Variants in PRKG2 observed in about 807,000 individuals in gnomAD.
The protein encoded by PRKG2 is cGMP-dependent protein kinase 2.
PRKG2 carries 33 observed loss-of-function variants against 97.2 expected under a neutral mutation model. That is an observed-to-expected ratio of 0.34 (90% CI 0.26 to 0.45). The LOEUF (loss-of-function observed/expected upper bound fraction) is 0.45, where lower values mean the gene tolerates loss of function less well. Ranked by LOEUF, PRKG2 falls within the 20% of genes least tolerant of loss-of-function variation. PRKG2 has a pLI of 1.00. For synonymous variants in PRKG2, 330 were observed against 321.8 expected, an observed-to-expected ratio of 1.03 and a Z score of -0.27; for missense variants, 638 against 900.0, an observed-to-expected ratio of 0.71 and a Z score of 3.73.
At position 81,135,149 on chromosome 4, in the gene PRKG2, T is replaced by C. The variant is rs1420770213; in HGVS notation, c.1776+6A>G. The C allele has an allele frequency of 6.3e-7, 1 of 1,599,286 alleles. No individual in the cohort carries two copies. Among genetic ancestry groups the C allele is most frequent in the East Asian group, 2.3e-5 (1 of 44,398 alleles). Reference sequence around the variant, plus strand: ...ATGAGACTGTAAGTGAGAAAAGTTGTCTTACCAATTTAAGGTAACCCTCAG... The same window carrying C: ...ATGAGACTGTAAGTGAGAAAAGTTGCCTTACCAATTTAAGGTAACCCTCAG... On this transcript the variant is annotated splice_donor_region_variant and intron_variant, in intron 14 of 18. Coordinates refer to ENST00000264399, the MANE Select transcript of PRKG2 (RefSeq NM_006259.3).
intron 11 of PRKG2, among the ~76,000 whole-genome samples, chr4:81,141,008 T>TTTATTATTATTA (rs375541277): frequency 9.9e-5 from 15 of 151,310 alleles, no homozygotes; most frequent in African/African-American, 3.7e-4. Flanking sequence ...CAAAGCAAGA[T>TTTATTATTATTA]TTATTATTAT....
chr4:81,155,215 C>T (rs1748928545), intron 6 of PRKG2, among the ~76,000 whole-genome samples: 1 of 149,898 alleles, frequency 6.7e-6, no homozygotes, highest in African/African-American at 2.5e-5. Flanking sequence ...CTAGGATAAC[C>T]AATACAGAAA....
rs541000291 is a variant in PRKG2, at chr4:81,160,548, G to T, written c.912+6613C>A. 2.0e-5 allele frequency among the ~76,000 whole-genome samples: 3 copies of T among 152,208 alleles called. No individual in the cohort carries two copies. The South Asian group carries it at 6.2e-4, about 32-fold the overall frequency. On this transcript the variant is annotated intron_variant, in intron 6 of 18. Transcript: ENST00000264399. ...AAGTGATTATATAATATCCCCAATGGATATTAGGAAAATTACCCTTAATTT... is the reference window on the plus strand; with the variant it reads ...AAGTGATTATATAATATCCCCAATGTATATTAGGAAAATTACCCTTAATTT...
intron 4 of PRKG2, among the ~76,000 whole-genome samples, chr4:81,170,907 G>C (rs1750414043): frequency 6.6e-6 from 1 of 151,836 alleles, no homozygotes; most frequent in African/African-American, 2.4e-5. Flanking sequence ...ATGTGTCTAT[G>C]TAGTAAAAAG....
rs573353071 is a variant in PRKG2 at position 81,168,453 on chromosome 4, GTAAT to G, written c.848+1206_848+1209del. 6.5e-4 allele frequency among the ~76,000 whole-genome samples: 99 copies of G among 152,196 alleles called. 1 individual carries two copies. The highest frequency in any genetic ancestry group is 3.4e-3 in the Middle Eastern group (1 of 294). Reference sequence around the variant, plus strand: ...CACTAAGAACATACTAGACTCCAAGGTAATTAACTGCTATGCCTAGTTCACGTTT... The same window carrying G: ...CACTAAGAACATACTAGACTCCAAGGTAACTGCTATGCCTAGTTCACGTTT... On this transcript the variant is annotated intron_variant, in intron 5 of 18. Transcript: ENST00000264399.
At chr4:81,097,431 T>C (rs1742236534) in intron 17 of PRKG2, among the ~76,000 whole-genome samples, 2 of 152,168 alleles carry the variant, frequency 1.3e-5, no homozygotes, top group South Asian at 4.1e-4. Flanking sequence ...GCAGAGTAGA[T>C]TTAGCATCAT....
chr4:81,104,327 T>C, intron 17 of PRKG2, 43 bp downstream of exon 17: 1 of 1,419,038 alleles, frequency 7.0e-7, no homozygotes, highest in Non-Finnish European at 9.6e-7. Context: ...CACATTGTTC[T>C]CTAAATTTCT....
intron 2 of PRKG2, among the ~76,000 whole-genome samples, chr4:81,202,298 A>C (rs547931073): frequency 6.6e-6 from 1 of 152,314 alleles, no homozygotes; most frequent in East Asian, 1.9e-4. Flanking sequence ...ACTTTTGAAA[A>C]ATTGAAAAAT....
At chr4:81,117,995 T>C (rs1337086146) in intron 14 of PRKG2, among the ~76,000 whole-genome samples, 1 of 152,194 alleles carries the variant, frequency 6.6e-6, no homozygotes, top group Non-Finnish European at 1.5e-5. Flanking sequence ...TGCCTATTCA[T>C]TTCTACTCCC....
chr4:81,175,522 C>T (rs1306695818), intron 2 of PRKG2: 1 of 152,138 alleles, frequency 6.6e-6, no homozygotes, highest in Non-Finnish European at 1.5e-5. Context: ...GAAGTCTGCG[C>T]TGCTTCCATT....
In PRKG2 at chr4:81,148,998, T is replaced by C. The variant is rs1302673584; in HGVS notation, c.1086-46A>G. 1.9e-6 allele frequency: 3 copies of C among 1,559,508 alleles called. No individual in the cohort carries two copies. The Admixed American group carries it at 5.0e-5, about 26-fold the overall frequency. On this transcript the variant is annotated intron_variant, in intron 8 of 18. Coordinates refer to ENST00000264399, the MANE Select transcript of PRKG2 (RefSeq NM_006259.3). The stretch of plus-strand genomic sequence containing the variant: ...GTCAATTTTCACTATAATTAGAAAT[T>C]AAACATCCACTTTTATTAGGGAATG...
chr4:81,144,192 A>G (rs2110044013), intron 10 of PRKG2, 40 bp downstream of exon 10: 1 of 1,537,220 alleles, frequency 6.5e-7, no homozygotes, highest in Middle Eastern at 1.7e-4. Flanking sequence ...ATTGGCTGCC[A>G]GAAGTCAGCT....
At chr4:81,147,878 G>A (rs1437691280) in intron 9 of PRKG2, among the ~76,000 whole-genome samples, 1 of 152,132 alleles carries the variant, frequency 6.6e-6, no homozygotes, top group Non-Finnish European at 1.5e-5. Flanking sequence ...CAACTAAAAT[G>A]TATAGATAAA....
intron 15 of PRKG2, among the ~76,000 whole-genome samples, chr4:81,107,930 C>G (rs1349512325): frequency 1.3e-5 from 2 of 152,100 alleles, no homozygotes; most frequent in Non-Finnish European, 2.9e-5. Flanking sequence ...CGAGGCCGGG[C>G]ATGGTGGCTC....
chr4:81,113,866 T>C (rs941815662), intron 14 of PRKG2, among the ~76,000 whole-genome samples: 5 of 152,230 alleles, frequency 3.3e-5, no homozygotes, highest in African/African-American at 1.2e-4. Flanking sequence ...TTAATGTCTT[T>C]CTGCTACTAA....
chr4:81,094,691 G>GAA (rs1741940377), intron 17 of PRKG2, among the ~76,000 whole-genome samples: 2 of 151,990 alleles, frequency 1.3e-5, no homozygotes, highest in African/African-American at 4.8e-5. Flanking sequence ...ATTTGAAAGA[G>GAA]CCAGAATGAA....
At chr4:81,167,027 T>C (rs954877008) in intron 6 of PRKG2, 134 bp downstream of exon 6, 2 of 616,332 alleles carry the variant, frequency 3.2e-6, no homozygotes, top group Non-Finnish European at 5.4e-6. Flanking sequence ...CTTAAGATTT[T>C]TCACCATAGA....
chr4:81,211,790 C>T (rs1287358832), intron 1 of PRKG2, among the ~76,000 whole-genome samples: 2 of 151,970 alleles, frequency 1.3e-5, no homozygotes, highest in African/African-American at 4.8e-5. Context: ...ATATGAGATT[C>T]AATAAAAGTT....
At chr4:81,162,850 T>C (rs2110073851) in intron 6 of PRKG2, among the ~76,000 whole-genome samples, 1 of 152,310 alleles carries the variant, frequency 6.6e-6, no homozygotes, top group African/African-American at 2.4e-5. Flanking sequence ...GACAGTCTGC[T>C]CTTCAAGCTC....
Sources: gnomAD v4.1 joint callset for allele counts (sites outside exome capture counted in the v4.1 genomes callset) on GRCh38, gnomAD v4.1.1 for gene constraint, MANE v1.5 for transcripts, NCBI Gene and HGNC (gene_info 2026-07-23, HGNC 2026-07-21) for gene names.